FYB2: variants seen among roughly 807,000 people sequenced by gnomAD.
The protein encoded by FYB2 is FYN-binding protein 2.
FYB2 carries 103 observed loss-of-function variants against 94.1 expected under a neutral mutation model. The observed-to-expected ratio is 1.09, with a 90% CI of 0.93 to 1.29. The LOEUF is 1.29. Among genes scored for constraint, FYB2 ranks in the 50% most tolerant of loss-of-function variants. FYB2 has a pLI of 0.00. For synonymous variants in FYB2, 293 were observed against 287.9 expected, an observed-to-expected ratio of 1.02 and a Z score of -0.18; for missense variants, 896 against 841.5, an observed-to-expected ratio of 1.06 and a Z score of -0.80.
In FYB2 at chr1:56,792,749, G is replaced by A. The variant is rs1312126514; in HGVS notation, c.64C>T (p.Pro22Ser). 4 of 1,613,840 alleles carry A rather than the reference G, an allele frequency of 2.5e-6. No individual in the cohort carries two copies. Among genetic ancestry groups the A allele is most frequent in the East Asian group, 2.2e-5 (1 of 44,870 alleles). ...LRAKFQNLDAPPLPGPIKFPA... is the reference protein window; with the variant it reads ...LRAKFQNLDASPLPGPIKFPA... ...AATTTAATAGGTCCTGGAAGAGGTG[G>A]AGCATCAAGATTTTGAAATTTGGCT... The change falls in exon 2 of 20, where the codon CCA becomes TCA. Residue 22 changes from proline to serine, a missense_variant. Pro to Ser is a moderately conservative substitution (Grantham distance 74). Transcript: ENST00000343433.
At chr1:56,785,340 G>C (rs12118050) in intron 4 of FYB2, among the ~76,000 whole-genome samples, 45,026 of 152,158 alleles carry the variant, frequency 0.3, 7,707 homozygotes, top group Non-Finnish European at 0.38. Context: ...GAGCAAGTGA[G>C]AGCACAGCAG....
intron 4 of FYB2, among the ~76,000 whole-genome samples, chr1:56,768,626 G>A (rs996279892): frequency 1.3e-5 from 2 of 152,116 alleles, no homozygotes; most frequent in African/African-American, 2.4e-5. Context: ...CTCTTCTAAA[G>A]GCAAATCTGA....
intron 9 of FYB2, among the ~76,000 whole-genome samples, chr1:56,746,427 GTTTTC>G (rs1403048418): frequency 4.0e-5 from 6 of 151,684 alleles, no homozygotes; most frequent in African/African-American, 1.5e-4. Context: ...CTGCCATTCT[GTTTTC>G]TTTTCTATTT....
intron 4 of FYB2, among the ~76,000 whole-genome samples, chr1:56,774,760 C>CA (rs374249218): frequency 5.9e-5 from 9 of 152,072 alleles, no homozygotes; most frequent in African/African-American, 2.2e-4. Flanking sequence ...ACATTTGAGT[C>CA]AATGGACTGG....
At chr1:56,802,719 G>A (rs1350100048) in intron 1 of FYB2, among the ~76,000 whole-genome samples, 1 of 152,110 alleles carries the variant, frequency 6.6e-6, no homozygotes, top group Non-Finnish European at 1.5e-5. Flanking sequence ...CCTTTTCAAG[G>A]CAATAAGAGA....
chr1:56,742,248 T>C (rs774337195), intron 11 of FYB2, 27 bp from the exon 12 acceptor site: 12 of 1,502,466 alleles, frequency 8.0e-6, no homozygotes, highest in Non-Finnish European at 1.1e-5. Context: ...ACCCTACTTA[T>C]ATTCATTATA....
upstream of FYB2, among the ~76,000 whole-genome samples, chr1:56,819,889 G>GT (rs1646969883): frequency 6.6e-6 from 1 of 152,156 alleles, no homozygotes; most frequent in African/African-American, 2.4e-5. Context: ...GGAGCACCCT[G>GT]TTTTTGGCCT....
In FYB2 at chr1:56,776,824, A is replaced by G. The variant is rs534095200; in HGVS notation, c.954-8886T>C. ...TACAAACAAACAACAAATCTCTGCCATTTATTAAGAGCTTACAACATCGGA... is the reference window on the plus strand; with the variant it reads ...TACAAACAAACAACAAATCTCTGCCGTTTATTAAGAGCTTACAACATCGGA... On this transcript the variant is annotated intron_variant, in intron 4 of 19. Transcript: ENST00000343433. Among the ~76,000 whole-genome samples the G allele has an allele frequency of 2.0e-5, 3 of 152,334 alleles. No homozygotes were observed. In the East Asian group the frequency reaches 5.8e-4, roughly 29 times the overall value.
chr1:56,765,110 G>A lies in FYB2; in HGVS notation c.1063+2719C>T, dbSNP rs917248033. Among the ~76,000 whole-genome samples, 4 of 152,274 alleles carry A rather than the reference G, an allele frequency of 2.6e-5. No homozygotes were observed. In the East Asian group the frequency reaches 5.8e-4, roughly 22 times the overall value. Reference sequence around the variant, plus strand: ...GAAAACAGCACCTCATCACTGCTGGGCAGAAGTAGGAAGGAGTTTGGCTCT... The same window carrying A: ...GAAAACAGCACCTCATCACTGCTGGACAGAAGTAGGAAGGAGTTTGGCTCT... On this transcript the variant is annotated intron_variant, in intron 5 of 19. Coordinates refer to ENST00000343433, the MANE Select transcript of FYB2 (RefSeq NM_001004303.5).
In FYB2 at chr1:56,737,091, A is replaced by G. The variant is rs1206404319; in HGVS notation, c.1789T>C (p.Ser597Pro). Residue 597 changes from serine to proline, a missense_variant, in exon 15 of 20, where the codon TCA becomes CCA. Ser to Pro is a moderately conservative substitution (Grantham distance 74). Coordinates refer to ENST00000343433, the MANE Select transcript of FYB2 (RefSeq NM_001004303.5). Reference sequence around the variant, plus strand: ...CCAATAAGGTAAATTACTTACTTTGACTCTTTTTCACTCAGGTCTACATCA... The same window carrying G: ...CCAATAAGGTAAATTACTTACTTTGGCTCTTTTTCACTCAGGTCTACATCA... ...YDDVDLSEKE[S>P]KDEDKLKMWK... The G allele has an allele frequency of 6.2e-7, 1 of 1,600,488 alleles. No individual in the cohort carries two copies. Among genetic ancestry groups the G allele is most frequent in the Non-Finnish European group, 8.5e-7 (1 of 1,170,228 alleles).
chr1:56,725,546 A>G (rs2100499690), intron 16 of FYB2, among the ~76,000 whole-genome samples: 1 of 152,174 alleles, frequency 6.6e-6, no homozygotes, highest in Non-Finnish European at 1.5e-5. Context: ...CAGATCAAAA[A>G]TGTTACTAAT....
At chr1:56,743,186 T>A (rs1018945854) in intron 11 of FYB2, among the ~76,000 whole-genome samples, 1 of 152,092 alleles carries the variant, frequency 6.6e-6, no homozygotes. Flanking sequence ...AAATTTTGTA[T>A]CCTTTGACCA....
At chr1:56,788,880 GAAAAGCAGCAGCGGC>G (rs1646192489) in intron 3 of FYB2, 78 bp downstream of exon 3, 1 of 1,519,334 alleles carries the variant, frequency 6.6e-7, no homozygotes, top group Non-Finnish European at 9.1e-7. Context: ...CAGCCTCATG[GAAAAGCAGCAGCGGC>G]ATCGTCACCT....
At chr1:56,824,845 C>T in the FYB2 span, 1 of 152,290 alleles carries the variant, frequency 6.6e-6, no homozygotes, top group African/African-American at 2.4e-5. Flanking sequence ...TGGCAGGCCC[C>T]ACTACCATGG....
chr1:56,747,418 C>A (rs1398395551), intron 9 of FYB2, among the ~76,000 whole-genome samples: 1 of 151,962 alleles, frequency 6.6e-6, no homozygotes, highest in African/African-American at 2.4e-5. Flanking sequence ...GCCTCCCACC[C>A]CTGACAGGCC....
At chr1:56,783,065 A>G (rs1646045399) in intron 4 of FYB2, among the ~76,000 whole-genome samples, 1 of 152,200 alleles carries the variant, frequency 6.6e-6, no homozygotes, top group Non-Finnish European at 1.5e-5. Flanking sequence ...AATAATCTCC[A>G]AAGAGCCATC....
chr1:56,813,347 G>T (rs1374021559), intron 1 of FYB2, among the ~76,000 whole-genome samples: 1 of 152,192 alleles, frequency 6.6e-6, no homozygotes, highest in Admixed American at 6.5e-5. Context: ...GAAGGGAAAA[G>T]GCATGTCCTA....
At chr1:56,784,937 C>T (rs542084880) in intron 4 of FYB2, among the ~76,000 whole-genome samples, 36 of 152,344 alleles carry the variant, frequency 2.4e-4, no homozygotes, top group African/African-American at 8.7e-4. Flanking sequence ...CCAGTTCTTT[C>T]ATCTCCCATG....
chr1:56,767,570 G>C (rs1398172440), intron 5 of FYB2, among the ~76,000 whole-genome samples: 1 of 152,158 alleles, frequency 6.6e-6, no homozygotes, highest in Non-Finnish European at 1.5e-5. Context: ...AGGCAAAGCA[G>C]CTGAGTCGAT....
Sources: gnomAD v4.1 joint callset for allele counts (sites outside exome capture counted in the v4.1 genomes callset) on GRCh38, gnomAD v4.1.1 for gene constraint, MANE v1.5 for transcripts, NCBI Gene and HGNC (gene_info 2026-07-23, HGNC 2026-07-21) for gene names.